Variants in PARD3B observed in about 807,000 individuals in gnomAD.
PARD3B encodes the protein partitioning defective 3 homolog B.
In PARD3B, 103 loss-of-function variants were observed where a neutral mutation model predicts 130.2. That is an observed-to-expected ratio of 0.79 (90% CI 0.67 to 0.93). PARD3B has a LOEUF of 0.93. Ranked by LOEUF, PARD3B falls within the 40% of genes least tolerant of loss-of-function variation. The pLI is 0.00. For missense variants in PARD3B, 1,609 were observed against 1,499.2 expected, an observed-to-expected ratio of 1.07 and a Z score of -1.21; for synonymous variants, 583 against 553.2, an observed-to-expected ratio of 1.05 and a Z score of -0.76.
At chr2:204,667,213 C>G (rs2036064957) in intron 1 of PARD3B, among the ~76,000 whole-genome samples, 1 of 152,118 alleles carries the variant, frequency 6.6e-6, no homozygotes, top group Admixed American at 6.6e-5. Context: ...CTGGAATCTT[C>G]ATAAAAGCAG....
chr2:205,480,708 G>T (rs2049199656), intron 20 of PARD3B, among the ~76,000 whole-genome samples: 1 of 152,202 alleles, frequency 6.6e-6, no homozygotes, highest in Non-Finnish European at 1.5e-5. Context: ...ACAGGACCTA[G>T]TAGCTCCGTG....
At chr2:205,372,838 G>C (rs957465647) in intron 18 of PARD3B, among the ~76,000 whole-genome samples, 1 of 152,116 alleles carries the variant, frequency 6.6e-6, no homozygotes, top group African/African-American at 2.4e-5. Context: ...AAATCAGCCA[G>C]CATAGTGCCA....
At chr2:204,897,073 G>A (rs2046665068) in intron 2 of PARD3B, among the ~76,000 whole-genome samples, 1 of 152,044 alleles carries the variant, frequency 6.6e-6, no homozygotes, top group African/African-American at 2.4e-5. Context: ...CTTATTTTAA[G>A]TGTTTTTCCC....
intron 4 of PARD3B, among the ~76,000 whole-genome samples, chr2:205,072,314 C>T (rs527314827): frequency 6.6e-6 from 1 of 150,926 alleles, no homozygotes; most frequent in Non-Finnish European, 1.5e-5. Flanking sequence ...CAATGGCGCA[C>T]TCTTGGCTCA....
chr2:204,914,355 C>T (rs1254492936), intron 2 of PARD3B, among the ~76,000 whole-genome samples: 1 of 152,270 alleles, frequency 6.6e-6, no homozygotes, highest in Non-Finnish European at 1.5e-5. Context: ...GAAAGTCCTA[C>T]AACAATAATA....
At chr2:204,649,213 G>A (rs547031323) in intron 1 of PARD3B, among the ~76,000 whole-genome samples, 1 of 150,838 alleles carries the variant, frequency 6.6e-6, no homozygotes, top group East Asian at 1.9e-4. Flanking sequence ...GTGTTGTCAA[G>A]TGATGTTGAA....
At chr2:204,668,541 T>C (rs2036130524) in intron 1 of PARD3B, among the ~76,000 whole-genome samples, 1 of 152,200 alleles carries the variant, frequency 6.6e-6, no homozygotes, top group African/African-American at 2.4e-5. Context: ...TCCGAAGATA[T>C]GTTTTTTAGT....
chr2:204,774,910 G>A (rs553628111), intron 2 of PARD3B, among the ~76,000 whole-genome samples: 2 of 152,208 alleles, frequency 1.3e-5, no homozygotes, highest in South Asian at 4.1e-4. Flanking sequence ...AGAAATTGTG[G>A]CATTTCTCAG....
chr2:205,324,835 T>C (rs2042884173), intron 18 of PARD3B, among the ~76,000 whole-genome samples: 1 of 152,142 alleles, frequency 6.6e-6, no homozygotes, highest in African/African-American at 2.4e-5. Context: ...ACATGATGCT[T>C]ACTAAACGGT....
intron 1 of PARD3B, among the ~76,000 whole-genome samples, chr2:204,556,523 A>G (rs533691443): frequency 6.6e-6 from 1 of 152,198 alleles, no homozygotes; most frequent in East Asian, 1.9e-4. Context: ...GTTTTGAAAG[A>G]TGATGAAGAA....
chr2:205,092,848 AACTTAGTTGATTT>A, intron 4 of PARD3B, among the ~76,000 whole-genome samples: 2 of 152,192 alleles, frequency 1.3e-5, no homozygotes, highest in Admixed American at 1.3e-4. Context: ...GCGATTGTGG[AACTTAGTTGATTT>A]TAAATATTGG....
chr2:204,589,373 A>G (rs2032977467), intron 1 of PARD3B, among the ~76,000 whole-genome samples: 1 of 152,202 alleles, frequency 6.6e-6, no homozygotes, highest in African/African-American at 2.4e-5. Flanking sequence ...ATCAAATAGG[A>G]CAAAGTCACT....
At chr2:205,001,432 A>G (rs965994662) in intron 3 of PARD3B, among the ~76,000 whole-genome samples, 1 of 152,204 alleles carries the variant, frequency 6.6e-6, no homozygotes, top group African/African-American at 2.4e-5. Flanking sequence ...TGGTAACCAA[A>G]TACAACAGCA....
chr2:205,415,165 C>A (rs1003425559), intron 19 of PARD3B, among the ~76,000 whole-genome samples: 2 of 152,098 alleles, frequency 1.3e-5, no homozygotes, highest in Non-Finnish European at 2.9e-5. Flanking sequence ...ATAGCTTTAA[C>A]AAAATGCTTC....
At chr2:205,059,513 T>G (rs1451738065) in intron 4 of PARD3B, among the ~76,000 whole-genome samples, 2 of 152,044 alleles carry the variant, frequency 1.3e-5, no homozygotes, top group African/African-American at 2.4e-5. Context: ...TCTTTACTGA[T>G]CCTTATCCAC....
chr2:204,612,054 G>T (rs1048739598), intron 1 of PARD3B, among the ~76,000 whole-genome samples: 2 of 152,158 alleles, frequency 1.3e-5, no homozygotes, highest in African/African-American at 4.8e-5. Context: ...CTACACAGAT[G>T]TCATATTGAT....
chr2:204,548,795 T>G (rs2030212764), intron 1 of PARD3B, among the ~76,000 whole-genome samples: 1 of 152,188 alleles, frequency 6.6e-6, no homozygotes, highest in Non-Finnish European at 1.5e-5. Context: ...AAATCAACTA[T>G]GAAAAATATT....
At chr2:204,727,302 A>C (rs954469049) in intron 2 of PARD3B, among the ~76,000 whole-genome samples, 8 of 152,314 alleles carry the variant, frequency 5.3e-5, no homozygotes, top group Non-Finnish European at 7.4e-5. Context: ...AGACTTTTTA[A>C]TAGACTTACA....
chr2:205,143,807 A>G (rs928083054), intron 10 of PARD3B, among the ~76,000 whole-genome samples: 8 of 152,194 alleles, frequency 5.3e-5, no homozygotes, highest in African/African-American at 1.7e-4. Flanking sequence ...GGAAAATCTC[A>G]CAAACCAAGA....
Sources: allele counts gnomAD v4.1 joint callset (sites outside exome capture counted in the v4.1 genomes callset), GRCh38; gene constraint gnomAD v4.1.1; transcripts MANE v1.5; gene names NCBI Gene and HGNC (gene_info 2026-07-23, HGNC 2026-07-21).